The following WWOX variants were observed in gnomAD, a reference collection of about 807,000 sequenced individuals.
The protein encoded by WWOX is WW domain-containing oxidoreductase.
Under a neutral mutation model 46.2 loss-of-function variants are expected in WWOX, and 69 were observed. That is an observed-to-expected ratio of 1.49 (90% CI 1.23 to 1.82). The LOEUF is 1.82. Among genes scored for constraint, WWOX ranks in the 40% most tolerant of loss-of-function variants. The pLI is 0.00. For missense variants in WWOX, 919 were observed against 542.6 expected (o/e 1.69, Z -6.89); for synonymous variants, 359 against 202.6 (o/e 1.77, Z -6.56).
chr16:78,660,842 A>T (rs1360426432), intron 8 of WWOX, among the ~76,000 whole-genome samples: 2 of 152,162 alleles, frequency 1.3e-5, no homozygotes, highest in Admixed American at 6.5e-5. Context: ...ACTATTGGCT[A>T]TGTTTTGTTT....
At chr16:78,671,733 A>T (rs1190365123) in intron 8 of WWOX, among the ~76,000 whole-genome samples, 2 of 152,234 alleles carry the variant, frequency 1.3e-5, no homozygotes, top group Non-Finnish European at 2.9e-5. Flanking sequence ...TACCCTTACT[A>T]TTTAGAATGC....
intron 8 of WWOX, among the ~76,000 whole-genome samples, chr16:78,822,529 A>G (rs567932971): frequency 6.6e-6 from 1 of 152,196 alleles, no homozygotes; most frequent in East Asian, 1.9e-4. Context: ...ACAAAAATCT[A>G]CTTGAACCAA....
At chr16:79,013,766 T>C (rs958419461) in intron 8 of WWOX, among the ~76,000 whole-genome samples, 1 of 152,218 alleles carries the variant, frequency 6.6e-6, no homozygotes, top group East Asian at 1.9e-4. Flanking sequence ...GTTACTTTTA[T>C]TGTCTCATTT....
intron 8 of WWOX, among the ~76,000 whole-genome samples, chr16:78,833,003 A>C (rs1423094650): frequency 6.6e-6 from 1 of 150,964 alleles, no homozygotes; most frequent in African/African-American, 2.4e-5. Flanking sequence ...ATAGAAAAGC[A>C]AAGTGGCCAG....
chr16:78,669,252 T>G (rs1034533084), intron 8 of WWOX, among the ~76,000 whole-genome samples: 11 of 152,196 alleles, frequency 7.2e-5, no homozygotes, highest in Admixed American at 7.2e-4. Context: ...TCCCTCACAT[T>G]TGCTGTCCCA....
intron 8 of WWOX, among the ~76,000 whole-genome samples, chr16:78,553,944 G>C (rs923353455): frequency 6.6e-6 from 1 of 151,982 alleles, no homozygotes; most frequent in Admixed American, 6.6e-5. Flanking sequence ...TAGAAAGGTC[G>C]GGTGTCATAC....
At chr16:78,375,426 A>T (rs1169008702) in intron 5 of WWOX, among the ~76,000 whole-genome samples, 2 of 152,220 alleles carry the variant, frequency 1.3e-5, no homozygotes, top group African/African-American at 4.8e-5. Flanking sequence ...ATTTGATGGT[A>T]TGTTAAACAG....
At chr16:78,502,150 C>G (rs1259583711) in intron 8 of WWOX, among the ~76,000 whole-genome samples, 1 of 152,164 alleles carries the variant, frequency 6.6e-6, no homozygotes, top group Admixed American at 6.5e-5. Flanking sequence ...CTGCCCTTAG[C>G]CCTCCAATAT....
chr16:79,091,077 C>T (rs867151561), intron 8 of WWOX, among the ~76,000 whole-genome samples: 14 of 152,138 alleles, frequency 9.2e-5, no homozygotes, highest in Admixed American at 1.3e-4. Flanking sequence ...CACAAGCCAC[C>T]GCTCCAGGCC....
intron 8 of WWOX, among the ~76,000 whole-genome samples, chr16:78,471,502 CA>C (rs1315390567): frequency 6.6e-6 from 1 of 152,216 alleles, no homozygotes; most frequent in Non-Finnish European, 1.5e-5. Flanking sequence ...TTTTCACCAG[CA>C]CCTTTTGATT....
chr16:78,784,902 C>T (rs1000796812), intron 8 of WWOX, among the ~76,000 whole-genome samples: 1 of 152,140 alleles, frequency 6.6e-6, no homozygotes, highest in Admixed American at 6.5e-5. Flanking sequence ...AATCTGTGGT[C>T]ATACTCACAA....
chr16:79,031,683 G>T (rs2047757207), intron 8 of WWOX, among the ~76,000 whole-genome samples: 1 of 149,144 alleles, frequency 6.7e-6, no homozygotes, highest in African/African-American at 2.5e-5. Flanking sequence ...TTTTTGAATG[G>T]TTAAATAGTG....
chr16:78,149,053 A>G (rs1435081405), intron 4 of WWOX, among the ~76,000 whole-genome samples: 1 of 152,030 alleles, frequency 6.6e-6, no homozygotes, highest in African/African-American at 2.4e-5. Flanking sequence ...GGGCAGTGGC[A>G]GGATCGTAGC....
rs945102306 is a variant in WWOX at position 78,644,462 on chromosome 16, A to AT, written c.1056+211720dup. Among the ~76,000 whole-genome samples, 121 of 147,642 alleles carry AT rather than the reference A, an allele frequency of 8.2e-4. 1 individual carries two copies. The highest frequency in any genetic ancestry group is 2.7e-3 in the African/African-American group (109 of 40,122). ...TTTCAAACCAAAAACCTGGGCCCTT[A>AT]TTTTTTTTTTCTTTTTGAGACAGAG... On this transcript the variant is annotated intron_variant, in intron 8 of 8. Coordinates refer to ENST00000566780, the MANE Select transcript of WWOX (RefSeq NM_016373.4).
At chr16:78,788,637 G>T (rs989121824) in intron 8 of WWOX, among the ~76,000 whole-genome samples, 2 of 152,194 alleles carry the variant, frequency 1.3e-5, no homozygotes, top group Admixed American at 6.5e-5. Context: ...TTTCATCTCT[G>T]TCCTTAGTAC....
At chr16:78,265,530 T>A (rs2079343999) in intron 5 of WWOX, among the ~76,000 whole-genome samples, 1 of 151,572 alleles carries the variant, frequency 6.6e-6, no homozygotes, top group East Asian at 2.0e-4. Flanking sequence ...AATACAAAAT[T>A]AGCCGGGCAT....
chr16:78,316,048 T>C (rs1192680699), intron 5 of WWOX, among the ~76,000 whole-genome samples: 1 of 151,852 alleles, frequency 6.6e-6, no homozygotes, highest in African/African-American at 2.4e-5. Context: ...GAGTTTAAGA[T>C]TAGCCTGGCC....
chr16:78,167,356 A>G (rs2043607373), intron 5 of WWOX: 1 of 152,136 alleles, frequency 6.6e-6, no homozygotes, highest in South Asian at 2.1e-4. Flanking sequence ...TTTCTTTCTT[A>G]TATTTTGAGC....
intron 8 of WWOX, among the ~76,000 whole-genome samples, chr16:79,054,232 A>T (rs1050280493): frequency 6.6e-6 from 1 of 152,200 alleles, no homozygotes; most frequent in African/African-American, 2.4e-5. Context: ...TCTTTCAGAG[A>T]TAATAAAAGG....
Sources: gnomAD v4.1 joint callset for allele counts (sites outside exome capture counted in the v4.1 genomes callset) on GRCh38, gnomAD v4.1.1 for gene constraint, MANE v1.5 for transcripts, NCBI Gene and HGNC (gene_info 2026-07-23, HGNC 2026-07-21) for gene names.